The following TWSG1 variants were observed in gnomAD, a reference collection of about 807,000 sequenced individuals.
TWSG1 encodes the protein twisted gastrulation protein homolog 1.
In TWSG1, 15 loss-of-function variants were observed where a neutral mutation model predicts 23.0. The observed-to-expected ratio is 0.65, with a 90% CI of 0.44 to 1.00. The LOEUF is 1.00. TWSG1 is among the 50% of genes least tolerant of loss of function. TWSG1 has a pLI of 0.00. For missense variants in TWSG1, 242 were observed against 278.7 expected (o/e 0.87, Z 0.94); for synonymous variants, 86 against 92.8 (o/e 0.93, Z 0.42).
At chr18:9,349,300 C>T (rs2040491072) in intron 2 of TWSG1, among the ~76,000 whole-genome samples, 1 of 152,258 alleles carries the variant, frequency 6.6e-6, no homozygotes, top group South Asian at 2.1e-4. Context: ...GGAAAAACTC[C>T]TATATTAACT....
intron 2 of TWSG1, among the ~76,000 whole-genome samples, chr18:9,344,517 G>GTGTGTGTGTGTATGTA (rs1555650744): frequency 9.5e-6 from 1 of 105,760 alleles, no homozygotes; most frequent in Non-Finnish European, 1.8e-5. Flanking sequence ...GTGTGTGTGT[G>GTGTGTGTGTGTATGTA]TGTGTATGTA....
At chr18:9,338,306 G>T (rs1021975632) in intron 2 of TWSG1, among the ~76,000 whole-genome samples, 2 of 152,160 alleles carry the variant, frequency 1.3e-5, no homozygotes, top group Admixed American at 6.5e-5. Flanking sequence ...CCCTAACTTT[G>T]CATTTCAAAC....
At chr18:9,351,448 A>C (rs1401326378) in intron 2 of TWSG1, among the ~76,000 whole-genome samples, 1 of 152,082 alleles carries the variant, frequency 6.6e-6, no homozygotes, top group Non-Finnish European at 1.5e-5. Flanking sequence ...TCTTTGAAAA[A>C]AATTATGTTT....
intron 3 of TWSG1, among the ~76,000 whole-genome samples, chr18:9,390,678 T>C (rs2040708279): frequency 6.6e-6 from 1 of 152,206 alleles, no homozygotes; most frequent in South Asian, 2.1e-4. Context: ...CTCTGTTACA[T>C]GTCATGCTAT....
chr18:9,348,003 T>G (rs1477194352), intron 2 of TWSG1, among the ~76,000 whole-genome samples: 1 of 152,202 alleles, frequency 6.6e-6, no homozygotes, highest in Non-Finnish European at 1.5e-5. Flanking sequence ...AATGTATACA[T>G]TTCTTTGGTT....
At chr18:9,395,424 C>T (rs1478982325) in intron 3 of TWSG1, among the ~76,000 whole-genome samples, 1 of 152,214 alleles carries the variant, frequency 6.6e-6, no homozygotes, top group Non-Finnish European at 1.5e-5. Context: ...CCATCCGAAT[C>T]AAACCCCTGT....
At position 9,351,872 on chromosome 18, in the gene TWSG1, C is replaced by G. The variant is rs192676732; in HGVS notation, c.124-8100C>G. Reference sequence around the variant, plus strand: ...TATTGGCCAGGCTGGTCTCAAACTCCTGAGCCCAAGCAATGCATCCACCTT... The same window carrying G: ...TATTGGCCAGGCTGGTCTCAAACTCGTGAGCCCAAGCAATGCATCCACCTT... On this transcript the variant is annotated intron_variant, in intron 2 of 4. Coordinates refer to ENST00000262120, the MANE Select transcript of TWSG1 (RefSeq NM_020648.6). Among the ~76,000 whole-genome samples, 823 of 152,252 alleles carry G rather than the reference C, an allele frequency of 5.4e-3. 2 individuals carry two copies. The highest frequency in any genetic ancestry group is 0.017 in the South Asian group (84 of 4,822).
chr18:9,337,626 G>A (rs993442713), intron 2 of TWSG1, among the ~76,000 whole-genome samples: 2 of 152,170 alleles, frequency 1.3e-5, no homozygotes, highest in Admixed American at 1.3e-4. Context: ...CTATTCAGAT[G>A]ATTTAATCTG....
intron 4 of TWSG1, among the ~76,000 whole-genome samples, chr18:9,398,647 C>G (rs1347056308): frequency 6.6e-6 from 1 of 151,970 alleles, no homozygotes; most frequent in Non-Finnish European, 1.5e-5. Flanking sequence ...TTAGTAGAGA[C>G]AGGGTTTCGC....
rs754345812 is a variant in TWSG1, at chr18:9,359,967, T to C, written c.124-5T>C. On this transcript the variant is annotated splice_region_variant and splice_polypyrimidine_tract_variant and intron_variant, in intron 2 of 4. Coordinates refer to ENST00000262120, the MANE Select transcript of TWSG1 (RefSeq NM_020648.6). ...TTTGAAGTTTAACATCTGTCTTGTT[T>C]CTAGGAGCTCTGCCAGTGCCGGCCG... is the stretch of plus-strand genomic sequence containing the variant. 3 of 1,612,638 alleles carry C rather than the reference T, an allele frequency of 1.9e-6. No homozygotes were observed. Among genetic ancestry groups the C allele is most frequent in the Non-Finnish European group, 2.5e-6 (3 of 1,178,962 alleles).
chr18:9,342,509 A>G (rs1321017976), intron 2 of TWSG1, among the ~76,000 whole-genome samples: 1 of 152,212 alleles, frequency 6.6e-6, no homozygotes, highest in Non-Finnish European at 1.5e-5. Context: ...CATAGGTACT[A>G]TGATTACATT....
chr18:9,349,201 C>G (rs1254099485), intron 2 of TWSG1, among the ~76,000 whole-genome samples: 1 of 152,070 alleles, frequency 6.6e-6, no homozygotes, highest in African/African-American at 2.4e-5. Flanking sequence ...ACTACTTTCC[C>G]CTGCTGCTTT....
rs200132866 is a variant in TWSG1 at position 9,350,268 on chromosome 18, A to ACGT, written c.124-9703_124-9702insGTC. ...GCCTGATATAATTTAAAGAAAGAAT[A>ACGT]CATCGTTTCCCTCCAAATGTTTAAT... On this transcript the variant is annotated intron_variant, in intron 2 of 4. Coordinates refer to ENST00000262120, the MANE Select transcript of TWSG1 (RefSeq NM_020648.6). 1.2e-3 allele frequency among the ~76,000 whole-genome samples: 4 copies of ACGT among 3,406 alleles called. No individual in the cohort carries two copies. In the Non-Finnish European group the frequency reaches 0.013, roughly 11 times the overall value. The allele number at this position is 3,406 out of a possible 152,430, so 2.2% of individuals were successfully genotyped here. A position where few individuals can be genotyped will look rare whatever the true frequency, so the allele number is the denominator to read the frequency against.
At chr18:9,356,920 A>T (rs547278227) in intron 2 of TWSG1, among the ~76,000 whole-genome samples, 1 of 149,810 alleles carries the variant, frequency 6.7e-6, no homozygotes, top group Non-Finnish European at 1.5e-5. Flanking sequence ...GTAAATTAAA[A>T]TTTTTTAAAA....
chr18:9,343,209 G>GTT lies in TWSG1; in HGVS notation c.123+5858_123+5859dup, dbSNP rs2040454197. 6.1e-5 allele frequency among the ~76,000 whole-genome samples: 2 copies of GTT among 32,758 alleles called. 1 individual carries two copies. Among genetic ancestry groups the GTT allele is most frequent in the African/African-American group, 2.1e-4 (2 of 9,390 alleles). The allele number at this position is 32,758 out of a possible 152,430, so 21.5% of individuals were successfully genotyped here. A position where few individuals can be genotyped will look rare whatever the true frequency, so the allele number is the denominator to read the frequency against. On this transcript the variant is annotated intron_variant, in intron 2 of 4. Coordinates refer to ENST00000262120, the MANE Select transcript of TWSG1 (RefSeq NM_020648.6). ...TAGGAAATGCCCTGTTTTGTTTTTT[G>GTT]TTATATATATATATATATATATATA...
chr18:9,337,470 G>T (rs988582158), intron 2 of TWSG1, 118 bp downstream of exon 2: 2 of 1,046,432 alleles, frequency 1.9e-6, no homozygotes, highest in Admixed American at 2.4e-5. Flanking sequence ...ATTGGGTCAG[G>T]GCCTGAGGTA....
chr18:9,401,611 G>A lies in TWSG1; in HGVS notation c.*2084G>A, dbSNP rs907006980. ...CTATCCCTAAATGTAAAGATCTTTT[G>A]CCTTCAAATTTGGCTTATTTTTTCT... is the stretch of plus-strand genomic sequence containing the variant. On this transcript the variant is annotated 3_prime_UTR_variant, in exon 5 of 5. Coordinates refer to ENST00000262120, the MANE Select transcript of TWSG1 (RefSeq NM_020648.6). 2 of 151,782 alleles carry A rather than the reference G, an allele frequency of 1.3e-5. No individual in the cohort carries two copies. The highest frequency in any genetic ancestry group is 2.9e-5 in the Non-Finnish European group (2 of 67,950). The allele number at this position is 151,782 out of a possible 1,614,324, so 9.4% of individuals were successfully genotyped here.
rs756535502 is a variant in TWSG1, at chr18:9,344,531, A to ATGTATTTT, written c.123+7180_123+7181insGTATTTTT. Among the ~76,000 whole-genome samples, 357 of 102,032 alleles carry ATGTATTTT rather than the reference A, an allele frequency of 3.5e-3. 6 individuals carry two copies. Among genetic ancestry groups the ATGTATTTT allele is most frequent in the African/African-American group, 1.0e-2 (269 of 27,018 alleles). The allele number at this position is 102,032 out of a possible 152,430, so 66.9% of individuals were successfully genotyped here. A position where few individuals can be genotyped will look rare whatever the true frequency, so the allele number is the denominator to read the frequency against. ...TGTGTGTGTGTGTGTGTATGTATGT[A>ATGTATTTT]TTTTTTTTTTTTTTTGAGAGAGGAT... On this transcript the variant is annotated intron_variant, in intron 2 of 4. Coordinates refer to ENST00000262120, the MANE Select transcript of TWSG1 (RefSeq NM_020648.6).
At chr18:9,389,239 G>A (rs2040700154) in intron 3 of TWSG1, among the ~76,000 whole-genome samples, 1 of 152,130 alleles carries the variant, frequency 6.6e-6, no homozygotes, top group Non-Finnish European at 1.5e-5. Flanking sequence ...GCCTCCCAAA[G>A]TGCTGAGATT....
Sources: gnomAD v4.1 joint callset for allele counts (sites outside exome capture counted in the v4.1 genomes callset) on GRCh38, gnomAD v4.1.1 for gene constraint, MANE v1.5 for transcripts, NCBI Gene and HGNC (gene_info 2026-07-23, HGNC 2026-07-21) for gene names.